The following ANKRD31 variants were observed in gnomAD, a reference collection of about 807,000 sequenced individuals.
ANKRD31 encodes ankyrin repeat domain 31.
A neutral mutation model predicts 186.0 loss-of-function variants in ANKRD31; 147 were observed. The observed-to-expected ratio is 0.79, with a 90% confidence interval of 0.69 to 0.91. The LOEUF (loss-of-function observed/expected upper bound fraction) is 0.91, where lower values mean the gene tolerates loss of function less well. ANKRD31 is among the 40% of genes least tolerant of loss of function. ANKRD31 has a pLI of 0.00. For synonymous variants in ANKRD31, 673 were observed against 736.4 expected, an observed-to-expected ratio of 0.91 and a Z score of 1.39; for missense variants, 1,986 against 2,148.8, an observed-to-expected ratio of 0.92 and a Z score of 1.50.
At chr5:75,154,869 T>C (rs1422222945) in intron 11 of ANKRD31, among the ~76,000 whole-genome samples, 1 of 152,122 alleles carries the variant, frequency 6.6e-6, no homozygotes, top group Non-Finnish European at 1.5e-5. Flanking sequence ...GGTCAATCTA[T>C]TACTACTGTT....
In ANKRD31 at chr5:75,080,643, A is replaced by C. The variant is rs1561398194; in HGVS notation, c.5576-4T>G. 6.6e-7 allele frequency: 1 copy of C among 1,526,006 alleles called. No individual in the cohort carries two copies. 94.5% of individuals were successfully genotyped at this position (1,526,006 alleles called of 1,614,324 possible). A position where few individuals can be genotyped will look rare whatever the true frequency, so the allele number is the denominator to read the frequency against. ...GGGTCATCTAAACAAGCAACTTCTG[A>C]AAGTGAAACAAAACGTTAGTAATAA... On this transcript the variant is annotated splice_region_variant and splice_polypyrimidine_tract_variant and intron_variant, in intron 24 of 25. Coordinates refer to ENST00000506364, the MANE Select transcript of ANKRD31 (RefSeq NM_001372053.1).
chr5:75,108,750 C>G (rs977506337), intron 20 of ANKRD31, among the ~76,000 whole-genome samples: 2 of 152,068 alleles, frequency 1.3e-5, no homozygotes, highest in African/African-American at 4.8e-5. Flanking sequence ...AGTTTCACGA[C>G]ATGATGCATA....
intron 1 of ANKRD31, among the ~76,000 whole-genome samples, chr5:75,233,007 G>A (rs1758042748): frequency 6.6e-6 from 1 of 150,694 alleles, no homozygotes; most frequent in Non-Finnish European, 1.5e-5. Flanking sequence ...GCCTCTCTTT[G>A]TTTAACCCAA....
chr5:75,074,601 AT>A (rs1744484161), intron 25 of ANKRD31, among the ~76,000 whole-genome samples: 1 of 152,218 alleles, frequency 6.6e-6, no homozygotes, highest in Admixed American at 6.5e-5. Context: ...AAATAGGCTA[AT>A]CCCCATTTAA....
At chr5:75,102,361 T>G (rs767979339) in intron 22 of ANKRD31, among the ~76,000 whole-genome samples, 4 of 152,196 alleles carry the variant, frequency 2.6e-5, no homozygotes, top group Non-Finnish European at 4.4e-5. Context: ...TGCCTCCCAG[T>G]TAGGCTACTC....
chr5:75,140,628 T>G (rs1346856028), intron 15 of ANKRD31, among the ~76,000 whole-genome samples: 1 of 152,200 alleles, frequency 6.6e-6, no homozygotes, highest in Non-Finnish European at 1.5e-5. Flanking sequence ...TTCATTTAAC[T>G]GATTAAGTTA....
intron 2 of ANKRD31, among the ~76,000 whole-genome samples, chr5:75,228,417 G>A (rs1757761779): frequency 3.9e-5 from 6 of 152,256 alleles, no homozygotes; most frequent in Admixed American, 3.3e-4. Context: ...CTGTCATTTA[G>A]TAGAAATAAA....
intron 11 of ANKRD31, among the ~76,000 whole-genome samples, chr5:75,166,845 A>T (rs989490458): frequency 6.6e-6 from 1 of 152,210 alleles, no homozygotes; most frequent in Non-Finnish European, 1.5e-5. Flanking sequence ...TCTAAGGAAC[A>T]ACATTGAGCT....
At chr5:75,098,159 A>AT (rs1359117249) in intron 22 of ANKRD31, among the ~76,000 whole-genome samples, 25 of 151,814 alleles carry the variant, frequency 1.6e-4, no homozygotes, top group African/African-American at 2.9e-4. Flanking sequence ...TGCCCGGCTA[A>AT]TTTTTTTGTA....
At chr5:75,096,000 T>C (rs937992986) in intron 22 of ANKRD31, among the ~76,000 whole-genome samples, 7 of 152,188 alleles carry the variant, frequency 4.6e-5, no homozygotes, top group Non-Finnish European at 1.0e-4. Flanking sequence ...CAGGCGTCTA[T>C]AGAAAACTTC....
At chr5:75,177,670 G>A (rs2150209529) in intron 10 of ANKRD31, among the ~76,000 whole-genome samples, 1 of 152,208 alleles carries the variant, frequency 6.6e-6, no homozygotes, top group East Asian at 1.9e-4. Flanking sequence ...ATACTTTACA[G>A]ACAAGCAAAT....
chr5:75,177,055 G>T (rs180794309), intron 10 of ANKRD31, among the ~76,000 whole-genome samples: 85 of 152,272 alleles, frequency 5.6e-4, no homozygotes, highest in African/African-American at 2.0e-3. Flanking sequence ...AATGGAGCTG[G>T]AAACCACGGC....
intron 19 of ANKRD31, among the ~76,000 whole-genome samples, chr5:75,115,514 C>G (rs1177567174): frequency 1.3e-5 from 2 of 150,668 alleles, no homozygotes; most frequent in Non-Finnish European, 3.0e-5. Flanking sequence ...ACTCATCTGA[C>G]AAAGGGCTAA....
In ANKRD31 at chr5:75,193,466, C is replaced by G. The variant is rs752067768; in HGVS notation, c.1143G>C (p.Ala381=). The change falls in exon 8 of 26, where the codon GCG becomes GCC. Residue 381 remains alanine (A), a synonymous_variant. Transcript: ENST00000506364. ...SVTNSSDQET[A]CVLRRSSRLE... ...GTCTGGATGATCTCCTCAACACACA[C>G]GCAGTTTCCTGATCAGAGCTATTTG... The G allele has an allele frequency of 1.3e-5, 20 of 1,537,204 alleles. No homozygotes were observed. The highest frequency in any genetic ancestry group is 1.7e-5 in the Non-Finnish European group (19 of 1,146,796).
intron 22 of ANKRD31, among the ~76,000 whole-genome samples, chr5:75,098,580 A>G (rs1234294054): frequency 4.3e-4 from 65 of 152,030 alleles, no homozygotes; most frequent in Admixed American, 4.3e-3. Context: ...ATGTTCTTCC[A>G]TTTGTTTGTG....
chr5:75,081,236 C>G (rs1745053278), intron 24 of ANKRD31, among the ~76,000 whole-genome samples: 1 of 152,160 alleles, frequency 6.6e-6, no homozygotes, highest in South Asian at 2.1e-4. Flanking sequence ...CACACTGCTA[C>G]CTCCATGGTT....
chr5:75,128,670 ATT>A (rs11334083), intron 17 of ANKRD31, among the ~76,000 whole-genome samples: 2,827 of 138,170 alleles, frequency 0.02, 93 homozygotes, highest in African/African-American at 0.068. Flanking sequence ...TTCCCAGCTA[ATT>A]TTTTTTTTTT....
rs776908368 is a variant in ANKRD31, at chr5:75,146,005, CCTT to C, written c.3403_3405del (p.Lys1135del). On this transcript the variant is annotated inframe_deletion, in exon 14 of 26. Coordinates refer to ENST00000506364, the MANE Select transcript of ANKRD31 (RefSeq NM_001372053.1). ...CTAATACCTGGTTTGTGAGAAATTTCCTTCTTTTCTCTTTGACTAAGTTTTGAG... is the reference window on the plus strand; with the variant it reads ...CTAATACCTGGTTTGTGAGAAATTTCCTTTTCTCTTTGACTAAGTTTTGAG... 2 of 1,486,156 alleles carry C rather than the reference CCTT, an allele frequency of 1.3e-6. No homozygotes were observed. The highest frequency in any genetic ancestry group is 2.7e-5 in the South Asian group (2 of 75,250). 92.1% of individuals were successfully genotyped at this position (1,486,156 alleles called of 1,614,324 possible). A position where few individuals can be genotyped will look rare whatever the true frequency, so the allele number is the denominator to read the frequency against.
intron 25 of ANKRD31, among the ~76,000 whole-genome samples, chr5:75,072,481 G>A (rs1744313779): frequency 1.3e-5 from 2 of 152,204 alleles, no homozygotes; most frequent in African/African-American, 4.8e-5. Flanking sequence ...GGAAGATGGA[G>A]TAGAAAGACT....
Sources: allele counts gnomAD v4.1 joint callset (sites outside exome capture counted in the v4.1 genomes callset), GRCh38; gene constraint gnomAD v4.1.1; transcripts MANE v1.5; gene names NCBI Gene and HGNC (gene_info 2026-07-23, HGNC 2026-07-21).